The following TENM4 variants were observed in gnomAD, a reference collection of about 807,000 sequenced individuals.
TENM4 encodes teneurin transmembrane protein 4, also known as teneurin-4.
In TENM4, 82 loss-of-function variants were observed where a neutral mutation model predicts 243.3. The ratio of observed to expected loss-of-function variants is 0.34; its 90% CI spans 0.28 to 0.40. The LOEUF is 0.40. Ranked by LOEUF, TENM4 falls within the 10% of genes least tolerant of loss-of-function variation. The pLI, the probability that TENM4 is intolerant of heterozygous loss-of-function variation, is 1.00. For missense variants in TENM4, 3,138 were observed against 3,673.3 expected, an observed-to-expected ratio of 0.85 and a Z score of 3.77; for synonymous variants, 1,412 against 1,456.3, an observed-to-expected ratio of 0.97 and a Z score of 0.69.
At chr11:79,149,964 C>A (rs118026930) in intron 3 of TENM4, among the ~76,000 whole-genome samples, 1 of 152,110 alleles carries the variant, frequency 6.6e-6, no homozygotes, top group Non-Finnish European at 1.5e-5. Context: ...ACAATGACCA[C>A]GTCTGTTATT....
chr11:79,193,487 A>G (rs11237756), intron 3 of TENM4, among the ~76,000 whole-genome samples: 33,856 of 152,180 alleles, frequency 0.22, 4,090 homozygotes, highest in Non-Finnish European at 0.26. Flanking sequence ...ATCAGGAGAC[A>G]AAGCTTGTGG....
At chr11:79,029,456 A>G (rs971172351) in intron 6 of TENM4, among the ~76,000 whole-genome samples, 1 of 152,172 alleles carries the variant, frequency 6.6e-6, no homozygotes, top group African/African-American at 2.4e-5. Flanking sequence ...GTCTGAGGGC[A>G]GTGTATGGCT....
rs756391724 is a variant in TENM4, at chr11:78,702,144, T to C, written c.4469A>G (p.Lys1490Arg). 3.8e-5 allele frequency: 61 copies of C among 1,613,820 alleles called. No homozygotes were observed. The highest frequency in any genetic ancestry group is 4.8e-5 in the Non-Finnish European group (57 of 1,179,898). Residue 1490 changes from lysine (K) to arginine (R), a missense_variant, in exon 28 of 34, where the codon AAG (lysine) becomes AGG (arginine). Around this residue, in one of 2 missense-constraint regions of TENM4, gnomAD observed 2,467 missense variants for 3,059.1 expected, o/e 0.81. Coordinates refer to ENST00000278550, the MANE Select transcript of TENM4 (RefSeq NM_001098816.3). ...VLYIAETDEK[K>R]INRIRQVTTS... ...GGTGACCTGCCTGATGCGGTTGATC[T>C]TTTTCTCATCAGTCTCAGCAATATA...
intron 15 of TENM4, among the ~76,000 whole-genome samples, chr11:78,792,813 C>T (rs1353028103): frequency 6.6e-6 from 1 of 152,168 alleles, no homozygotes; most frequent in East Asian, 1.9e-4. Context: ...CTTAGAAACT[C>T]ATTTTCTCCA....
In TENM4 at chr11:79,064,812, C is replaced by A; in HGVS notation, c.419G>T (p.Arg140Leu). 6.4e-7 allele frequency: 1 copy of A among 1,551,486 alleles called. No homozygotes were observed. The highest frequency in any genetic ancestry group is 1.2e-5 in the South Asian group (1 of 84,058). Residue 140 changes from arginine (R) to leucine (L), a missense_variant, in exon 6 of 34, where the codon CGC becomes CTC. Arg to Leu is a moderately radical substitution (Grantham distance 102). Transcript: ENST00000278550. ...GGCCCGGCTGGACAGGCAGGAGCTG[C>A]GCCCTGACCGTGTGCTCCGGCCCCA... is the stretch of plus-strand genomic sequence containing the variant. ...RLWGRSTRSG[R>L]SSCLSSRANS...
rs1318677318 is a variant in TENM4, at chr11:79,179,986, G to C, written c.-162-31180C>G. 1.3e-5 allele frequency among the ~76,000 whole-genome samples: 2 copies of C among 151,654 alleles called. 1 individual carries two copies. The highest frequency in any genetic ancestry group is 3.0e-5 in the Non-Finnish European group (2 of 67,790). On this transcript the variant is annotated intron_variant, in intron 3 of 33. Transcript: ENST00000278550. Reference sequence around the variant, plus strand: ...GGGACAGTGAGAAAACGGTAGCTTTGGGAATGGAATCATGATCTCTCTGTC... The same window carrying C: ...GGGACAGTGAGAAAACGGTAGCTTTCGGAATGGAATCATGATCTCTCTGTC...
intron 4 of TENM4, among the ~76,000 whole-genome samples, chr11:79,106,773 A>G (rs1217397443): frequency 6.6e-6 from 1 of 152,128 alleles, no homozygotes; most frequent in African/African-American, 2.4e-5. Context: ...TCATCTGCTG[A>G]CCCGCATCTT....
At chr11:79,178,513 CA>C (rs1863215785) in intron 3 of TENM4, among the ~76,000 whole-genome samples, 2 of 152,082 alleles carry the variant, frequency 1.3e-5, no homozygotes, top group South Asian at 4.1e-4. Flanking sequence ...GAGGCAGAAC[CA>C]GGGGAGAGCA....
intron 6 of TENM4, among the ~76,000 whole-genome samples, chr11:79,027,573 C>T (rs1388635573): frequency 6.6e-6 from 1 of 152,236 alleles, no homozygotes; most frequent in Non-Finnish European, 1.5e-5. Context: ...TTCCCAAAAG[C>T]TCTGAGCAGC....
rs145244155 is a variant in TENM4 at position 78,871,812 on chromosome 11, A to G, written c.1085-8680T>C. Among the ~76,000 whole-genome samples, 1,191 of 152,260 alleles carry G rather than the reference A, an allele frequency of 7.8e-3. 15 individuals are homozygous for G. Among genetic ancestry groups the G allele is most frequent in the African/African-American group, 0.027 (1,128 of 41,526 alleles). The stretch of plus-strand genomic sequence containing the variant: ...CTTTAGGGCAGGGATTATTCCAGTC[A>G]TCTCTGCCCCCCCAGAACCTGGTCC... On this transcript the variant is annotated intron_variant, in intron 9 of 33. Transcript: ENST00000278550.
chr11:78,814,469 T>C, intron 12 of TENM4, 74 bp from the exon 13 acceptor site: 2 of 1,340,160 alleles, frequency 1.5e-6, no homozygotes, highest in Non-Finnish European at 2.1e-6. Flanking sequence ...AATCAAGCTT[T>C]AGGTTAGCCA....
intron 6 of TENM4, among the ~76,000 whole-genome samples, chr11:79,049,918 C>T (rs1047233494): frequency 6.6e-6 from 1 of 152,216 alleles, no homozygotes; most frequent in African/African-American, 2.4e-5. Flanking sequence ...CGAACTTTGT[C>T]CCATGAACCT....
chr11:79,384,621 G>C (rs1215109417), intron 1 of TENM4, among the ~76,000 whole-genome samples: 2 of 152,188 alleles, frequency 1.3e-5, no homozygotes, highest in Non-Finnish European at 2.9e-5. Context: ...TGGATGGTCA[G>C]CTTAACAATA....
intron 1 of TENM4, among the ~76,000 whole-genome samples, chr11:79,410,939 GC>G (rs1264198447): frequency 6.6e-6 from 1 of 151,950 alleles, no homozygotes; most frequent in Non-Finnish European, 1.5e-5. Context: ...TCATCCCTGT[GC>G]CCCTCTACAC....
rs557904768 is a variant in TENM4 at position 78,839,243 on chromosome 11, T to C, written c.1681+14861A>G. Among the ~76,000 whole-genome samples the C allele has an allele frequency of 5.3e-5, 8 of 152,356 alleles. No homozygotes were observed. The East Asian group carries it at 1.5e-3, about 29-fold the overall frequency. ...TCTGTTTGACATTCCATTAAACTTA[T>C]AAATTGACATATTTAGAGTATTTCA... On this transcript the variant is annotated intron_variant, in intron 12 of 33. Coordinates refer to ENST00000278550, the MANE Select transcript of TENM4 (RefSeq NM_001098816.3).
chr11:79,300,813 A>G (rs1336038650), intron 1 of TENM4, among the ~76,000 whole-genome samples: 2 of 152,078 alleles, frequency 1.3e-5, no homozygotes, highest in East Asian at 3.9e-4. Context: ...AGGGTTTGCT[A>G]TTTGTCTTTT....
At chr11:78,718,928 T>C (rs1014842211) in intron 25 of TENM4, among the ~76,000 whole-genome samples, 2 of 152,212 alleles carry the variant, frequency 1.3e-5, no homozygotes, top group African/African-American at 2.4e-5. Flanking sequence ...TGATTTACTT[T>C]AATACATGTG....
chr11:78,752,207 G>C (rs1425346293), intron 19 of TENM4, among the ~76,000 whole-genome samples: 3 of 152,204 alleles, frequency 2.0e-5, no homozygotes, highest in Non-Finnish European at 4.4e-5. Flanking sequence ...GCGGGGCCCT[G>C]GGGACACAGA....
At chr11:79,323,211 T>G (rs916293666) in intron 1 of TENM4, among the ~76,000 whole-genome samples, 3 of 152,354 alleles carry the variant, frequency 2.0e-5, no homozygotes, top group Non-Finnish European at 4.4e-5. Flanking sequence ...GGCAGACACC[T>G]TTTTCTTCTA....
Sources: gnomAD v4.1 joint callset for allele counts (sites outside exome capture counted in the v4.1 genomes callset) on GRCh38, gnomAD v4.1.1 for gene constraint, gnomAD v4.1.1 regional missense constraint, MANE v1.5 for transcripts, NCBI Gene and HGNC (gene_info 2026-07-23, HGNC 2026-07-21) for gene names.